OR2L13: variants seen among roughly 807,000 people sequenced by gnomAD.
OR2L13 encodes the protein olfactory receptor 2L13.
In OR2L13, 14 loss-of-function variants were observed where a neutral mutation model predicts 15.3. The observed-to-expected ratio is 0.91, with a 90% CI of 0.60 to 1.43. The LOEUF is 1.43. Among genes scored for constraint, OR2L13 ranks in the 40% most tolerant of loss-of-function variants. The pLI is 0.00. For synonymous variants in OR2L13, 152 were observed against 142.9 expected (o/e 1.06, Z -0.45); for missense variants, 367 against 387.9 (o/e 0.95, Z 0.45).
the OR2L13 span, among the ~76,000 whole-genome samples, chr1:248,049,414 A>G: frequency 6.6e-6 from 1 of 152,222 alleles, no homozygotes; most frequent in Non-Finnish European, 1.5e-5. Flanking sequence ...CGTAAATATT[A>G]CGTTGAATAT....
chr1:247,990,163 G>T, the OR2L13 span: 3 of 533,190 alleles, frequency 5.6e-6, no homozygotes, highest in African/African-American at 5.8e-5. Flanking sequence ...CCAATTTCAG[G>T]CATTCACTGG....
At chr1:248,095,851 C>T (rs1364297230), upstream of OR2L13, among the ~76,000 whole-genome samples, 6 of 150,586 alleles carry the variant, frequency 4.0e-5, no homozygotes, top group African/African-American at 7.3e-5. Flanking sequence ...GTGATCCGCC[C>T]GCCTTGGCCT....
chr1:248,087,460 A>G, the OR2L13 span: 1 of 152,224 alleles, frequency 6.6e-6, no homozygotes, highest in Non-Finnish European at 1.5e-5. Context: ...CCTAAAATTA[A>G]AGAAAAATAA....
At chr1:247,956,385 C>T in the OR2L13 span, among the ~76,000 whole-genome samples, 1 of 151,518 alleles carries the variant, frequency 6.6e-6, no homozygotes, top group Non-Finnish European at 1.5e-5. Flanking sequence ...CGTGATGCCT[C>T]CAGCTTTGTT....
chr1:247,982,511 G>A, the OR2L13 span, among the ~76,000 whole-genome samples: 1 of 152,178 alleles, frequency 6.6e-6, no homozygotes, highest in Non-Finnish European at 1.5e-5. Context: ...ATAGTGATAT[G>A]TAATTCATTT....
the OR2L13 span, among the ~76,000 whole-genome samples, chr1:247,982,149 T>G: frequency 1.3e-5 from 2 of 152,182 alleles, no homozygotes; most frequent in Non-Finnish European, 2.9e-5. Context: ...AGCCTTATTT[T>G]GTAATGAATA....
chr1:247,958,906 C>T, the OR2L13 span, among the ~76,000 whole-genome samples: 2 of 152,050 alleles, frequency 1.3e-5, no homozygotes, highest in South Asian at 4.2e-4. Context: ...AATGTGCCAG[C>T]CTGTGTCTTT....
At chr1:247,995,829 A>C in the OR2L13 span, among the ~76,000 whole-genome samples, 1 of 152,040 alleles carries the variant, frequency 6.6e-6, no homozygotes, top group African/African-American at 2.4e-5. Context: ...TATCATCTTT[A>C]ATTTTAGGAA....
chr1:248,062,503 G>A, the OR2L13 span: 1 of 152,136 alleles, frequency 6.6e-6, no homozygotes, highest in Non-Finnish European at 1.5e-5. Context: ...TCCTATGCGA[G>A]AGCTAGAATT....
At chr1:247,988,199 T>C in the OR2L13 span, among the ~76,000 whole-genome samples, 1 of 152,066 alleles carries the variant, frequency 6.6e-6, no homozygotes, top group Non-Finnish European at 1.5e-5. Context: ...GGAATGCCTG[T>C]AAGTATATGT....
upstream of OR2L13, among the ~76,000 whole-genome samples, chr1:248,092,789 C>A (rs1479878222): frequency 6.6e-6 from 1 of 152,008 alleles, no homozygotes; most frequent in Non-Finnish European, 1.5e-5. Context: ...CTACTGAAAC[C>A]CCTTGTCTAT....
the OR2L13 span, among the ~76,000 whole-genome samples, chr1:248,078,208 C>T: frequency 2.6e-5 from 4 of 152,094 alleles, no homozygotes; most frequent in Non-Finnish European, 4.4e-5. Flanking sequence ...GCTGGCTGGG[C>T]GCGGTGCCTC....
chr1:248,077,449 T>A, the OR2L13 span, among the ~76,000 whole-genome samples: 1 of 152,220 alleles, frequency 6.6e-6, no homozygotes, highest in Non-Finnish European at 1.5e-5. Context: ...CTGGTAGAAT[T>A]CGGCTGTGAA....
the OR2L13 span, among the ~76,000 whole-genome samples, chr1:248,058,099 A>G: frequency 6.7e-6 from 1 of 150,222 alleles, no homozygotes; most frequent in African/African-American, 2.5e-5. Context: ...GCTGTGGGTT[A>G]AAATCCCAAC....
At chr1:248,022,737 CT>C in the OR2L13 span, 8 of 1,614,134 alleles carry the variant, frequency 5.0e-6, no homozygotes, top group Non-Finnish European at 5.9e-6. Flanking sequence ...TCCAAGATCC[CT>C]GCGATCTCTG....
At chr1:248,007,251 G>A in the OR2L13 span, among the ~76,000 whole-genome samples, 1 of 152,186 alleles carries the variant, frequency 6.6e-6, no homozygotes, top group Non-Finnish European at 1.5e-5. Context: ...TGACATTCCT[G>A]TATAGGCAAT....
At chr1:248,003,232 C>T in the OR2L13 span, 1 of 1,543,820 alleles carries the variant, frequency 6.5e-7, no homozygotes, top group South Asian at 1.1e-5. Context: ...TTTTCATTTT[C>T]CTAATGGCTC....
At chr1:248,000,081 C>T in the OR2L13 span, among the ~76,000 whole-genome samples, 1 of 149,754 alleles carries the variant, frequency 6.7e-6, no homozygotes, top group Non-Finnish European at 1.5e-5. Context: ...ACTTGTGCCC[C>T]TGCCTTCCTA....
the OR2L13 span, among the ~76,000 whole-genome samples, chr1:248,065,517 C>T: frequency 1.3e-4 from 20 of 151,394 alleles, no homozygotes; most frequent in African/African-American, 4.1e-4. Context: ...ATGTGCCATG[C>T]TGGTGCGCTG....
Sources: allele counts gnomAD v4.1 joint callset (sites outside exome capture counted in the v4.1 genomes callset), GRCh38; gene constraint gnomAD v4.1.1; transcripts MANE v1.5; gene names NCBI Gene and HGNC (gene_info 2026-07-23, HGNC 2026-07-21).